The following FOXN2 variants were observed in gnomAD, a reference collection of about 807,000 sequenced individuals.
The protein encoded by FOXN2 is forkhead box protein N2.
Under a neutral mutation model 41.2 loss-of-function variants are expected in FOXN2, and 19 were observed. That is an observed-to-expected ratio of 0.46 (90% confidence interval 0.32 to 0.68). FOXN2 has a LOEUF of 0.68. Among genes scored for constraint, FOXN2 ranks in the 30% least tolerant of loss-of-function variants. The pLI is 0.03. For synonymous variants in FOXN2, 195 were observed against 176.8 expected (o/e 1.10, Z -0.82); for missense variants, 587 against 509.4 (o/e 1.15, Z -1.47).
At chr2:48,343,011 T>G (rs1025567873) in intron 2 of FOXN2, among the ~76,000 whole-genome samples, 1 of 152,214 alleles carries the variant, frequency 6.6e-6, no homozygotes, top group Non-Finnish European at 1.5e-5. Context: ...ATGAGAAAAT[T>G]TAGTCAATAG....
At chr2:48,331,725 G>C (rs919916069) in intron 2 of FOXN2, among the ~76,000 whole-genome samples, 6 of 151,830 alleles carry the variant, frequency 4.0e-5, no homozygotes, top group African/African-American at 1.5e-4. Context: ...GCTGAGGTAG[G>C]AGGATCGCTT....
At chr2:48,318,322 C>G (rs1228859298) in intron 1 of FOXN2, among the ~76,000 whole-genome samples, 2 of 152,062 alleles carry the variant, frequency 1.3e-5, no homozygotes, top group African/African-American at 4.8e-5. Context: ...ATGACTATGA[C>G]AATTTTAAGA....
intron 3 of FOXN2, among the ~76,000 whole-genome samples, chr2:48,352,161 G>A (rs1671490095): frequency 5.3e-5 from 8 of 152,054 alleles, no homozygotes; most frequent in Admixed American, 5.2e-4. Flanking sequence ...GTGAATGATA[G>A]GGCAATATAT....
intron 2 of FOXN2, among the ~76,000 whole-genome samples, chr2:48,330,629 T>C (rs1428342774): frequency 6.6e-6 from 1 of 152,144 alleles, no homozygotes; most frequent in African/African-American, 2.4e-5. Context: ...GGTTGCTCTT[T>C]TGACATTTGT....
Position 48,320,247 on chromosome 2 carries a change from A to T in FOXN2, c.-157+5433A>T, listed in dbSNP as rs149977721. 4.9e-3 allele frequency among the ~76,000 whole-genome samples: 751 copies of T among 152,134 alleles called. 1 individual carries two copies. Among genetic ancestry groups the T allele is most frequent in the Non-Finnish European group, 8.2e-3 (558 of 67,990 alleles). ...AACAACTGCAGTCTTTATTGTGTTT[A>T]CTATGTATTGGCATAGTTATACTAG... On this transcript the variant is annotated intron_variant, in intron 1 of 6. Coordinates refer to ENST00000340553, the MANE Select transcript of FOXN2 (RefSeq NM_002158.4).
chr2:48,315,426 CCT>C (rs145125098), intron 1 of FOXN2, among the ~76,000 whole-genome samples: 1 of 152,238 alleles, frequency 6.6e-6, no homozygotes, highest in Non-Finnish European at 1.5e-5. Flanking sequence ...ACCCCGGCAC[CCT>C]CTCGCCCCTC....
rs1491441486 is a variant in FOXN2 at position 48,353,605 on chromosome 2, T to TGTGTGA, written c.538-5441_538-5440insTGTGAG. 8.6e-4 allele frequency among the ~76,000 whole-genome samples: 103 copies of TGTGTGA among 119,320 alleles called. 1 individual carries two copies. Among genetic ancestry groups the TGTGTGA allele is most frequent in the African/African-American group, 3.0e-3 (98 of 32,876 alleles). The allele number at this position is 119,320 out of a possible 152,430, so 78.3% of individuals were successfully genotyped here. ...GTGTGTGTGTGTGTGTGTGTGTGTGTGAAAGAGAAAGGGGGGAGTGATATT... is the reference window on the plus strand; with the variant it reads ...GTGTGTGTGTGTGTGTGTGTGTGTGTGTGTGAGAAAGAGAAAGGGGGGAGTGATATT... On this transcript the variant is annotated intron_variant, in intron 3 of 6. Coordinates refer to ENST00000340553, the MANE Select transcript of FOXN2 (RefSeq NM_002158.4).
At chr2:48,321,081 T>C (rs1041068303) in intron 1 of FOXN2, among the ~76,000 whole-genome samples, 1 of 152,208 alleles carries the variant, frequency 6.6e-6, no homozygotes, top group Non-Finnish European at 1.5e-5. Flanking sequence ...ACTATATTTA[T>C]TCATTCATTT....
chr2:48,324,952 G>A (rs986090984), intron 1 of FOXN2, among the ~76,000 whole-genome samples: 4 of 152,226 alleles, frequency 2.6e-5, no homozygotes, highest in African/African-American at 9.6e-5. Context: ...TTGACTGAAT[G>A]ATGAGAGGGA....
intron 2 of FOXN2, among the ~76,000 whole-genome samples, chr2:48,336,473 A>T (rs1012759667): frequency 6.6e-6 from 1 of 151,162 alleles, no homozygotes; most frequent in Non-Finnish European, 1.5e-5. Flanking sequence ...ATATTTATTT[A>T]TTTACGAGCA....
At chr2:48,342,485 G>A (rs568150825) in intron 2 of FOXN2, among the ~76,000 whole-genome samples, 3 of 152,172 alleles carry the variant, frequency 2.0e-5, no homozygotes, top group South Asian at 2.1e-4. Flanking sequence ...TTAATAATTC[G>A]TGATACACAT....
rs767903147 is a variant in FOXN2, at chr2:48,375,091, C to T, written c.944C>T (p.Ala315Val). The T allele has an allele frequency of 3.1e-6, 5 of 1,613,964 alleles. No homozygotes were observed. Among genetic ancestry groups the T allele is most frequent in the South Asian group, 1.1e-5 (1 of 91,090 alleles). The change falls in exon 7 of 7, where the codon GCA becomes GTA. Residue 315 changes from alanine (A) to valine (V), a missense_variant. Physicochemically the swap from Ala to Val is moderately conservative, Grantham distance 64. Transcript: ENST00000340553. The part of the protein sequence containing the change: ...SASSMAAQRC[A>V]SRSSVSSLSS... ...AGTAGCATGGCAGCACAGCGTTGTG[C>T]ATCCAGGTCTAGCGTGTCTTCCCTG...
chr2:48,366,353 CAAA>C (rs372215355), intron 5 of FOXN2, among the ~76,000 whole-genome samples: 6 of 92,262 alleles, frequency 6.5e-5, no homozygotes, highest in Admixed American at 2.4e-4. Context: ...AGTGAGACTC[CAAA>C]AAAAAAAAAA....
At chr2:48,372,273 G>A (rs1422441808) in intron 5 of FOXN2, among the ~76,000 whole-genome samples, 2 of 152,186 alleles carry the variant, frequency 1.3e-5, no homozygotes, top group Non-Finnish European at 2.9e-5. Flanking sequence ...AATAACAACA[G>A]CATTTCCTAC....
intron 4 of FOXN2, among the ~76,000 whole-genome samples, chr2:48,362,390 A>AC (rs1672247337): frequency 1.3e-5 from 2 of 151,900 alleles, no homozygotes; most frequent in South Asian, 4.1e-4. Flanking sequence ...ACATGGTAAA[A>AC]CCCTTTCTCT....
At chr2:48,331,186 CA>C (rs1160284806) in intron 2 of FOXN2, among the ~76,000 whole-genome samples, 1 of 152,176 alleles carries the variant, frequency 6.6e-6, no homozygotes, top group East Asian at 1.9e-4. Context: ...TTTGGGCTAT[CA>C]AGAATTGACT....
chr2:48,353,355 A>C (rs1671574084), intron 3 of FOXN2, among the ~76,000 whole-genome samples: 1 of 152,182 alleles, frequency 6.6e-6, no homozygotes, highest in East Asian at 1.9e-4. Context: ...AGTGGAGAGA[A>C]CATTTCCTCA....
intron 3 of FOXN2, among the ~76,000 whole-genome samples, chr2:48,354,644 T>A (rs1671669380): frequency 6.6e-6 from 1 of 152,242 alleles, no homozygotes; most frequent in Non-Finnish European, 1.5e-5. Context: ...AACAACTGGC[T>A]AGGGACAGGC....
rs541217921 is a variant in FOXN2, at chr2:48,359,178, G to A, written c.638+31G>A. On this transcript the variant is annotated intron_variant, in intron 4 of 6. Coordinates refer to ENST00000340553, the MANE Select transcript of FOXN2 (RefSeq NM_002158.4). The stretch of plus-strand genomic sequence containing the variant: ...GATCTTCCATATAACTGTCAGTGGT[G>A]ATTTATAGGATTTCACTGTGTGAGA... 2.9e-5 allele frequency: 42 copies of A among 1,473,520 alleles called. No individual in the cohort carries two copies. In the East Asian group the frequency reaches 9.1e-4, roughly 32 times the overall value. The allele number at this position is 1,473,520 out of a possible 1,614,324, so 91.3% of individuals were successfully genotyped here. A position where few individuals can be genotyped will look rare whatever the true frequency, so the allele number is the denominator to read the frequency against.
Sources: gnomAD v4.1 joint callset for allele counts (sites outside exome capture counted in the v4.1 genomes callset) on GRCh38, gnomAD v4.1.1 for gene constraint, MANE v1.5 for transcripts, NCBI Gene and HGNC (gene_info 2026-07-23, HGNC 2026-07-21) for gene names.